Variants in SNX29 observed in about 807,000 individuals in gnomAD.
SNX29 encodes the protein sorting nexin-29.
A neutral mutation model predicts 102.1 loss-of-function variants in SNX29; 78 were observed. The observed-to-expected ratio is 0.76, with a 90% CI of 0.64 to 0.92. The LOEUF (loss-of-function observed/expected upper bound fraction) is 0.92. Ranked by LOEUF, SNX29 falls within the 40% of genes least tolerant of loss-of-function variation. The pLI is 0.00. For missense variants in SNX29, 1,280 were observed against 1,061.7 expected, an observed-to-expected ratio of 1.21 and a Z score of -2.86; for synonymous variants, 580 against 414.5, an observed-to-expected ratio of 1.40 and a Z score of -4.85.
At chr16:12,233,575 C>T (rs1424977771) in intron 14 of SNX29, among the ~76,000 whole-genome samples, 2 of 152,082 alleles carry the variant, frequency 1.3e-5, no homozygotes, top group Non-Finnish European at 2.9e-5. Flanking sequence ...ACTTGTACCC[C>T]CGAATCTGAA....
chr16:12,563,190 C>T (rs1428696188), intron 20 of SNX29, among the ~76,000 whole-genome samples: 2 of 95,500 alleles, frequency 2.1e-5, no homozygotes, highest in Non-Finnish European at 4.2e-5. Flanking sequence ...TCACTTCCCA[C>T]AGTCAACATG....
At chr16:12,330,456 G>A (rs17817646) in intron 15 of SNX29, among the ~76,000 whole-genome samples, 2,974 of 152,246 alleles carry the variant, frequency 0.02, 36 homozygotes, top group Non-Finnish European at 0.03. Context: ...TGGGCTTGAC[G>A]GTCATAAGTA....
chr16:12,420,072 G>C (rs1373288767), intron 18 of SNX29, among the ~76,000 whole-genome samples: 1 of 152,160 alleles, frequency 6.6e-6, no homozygotes, highest in African/African-American at 2.4e-5. Context: ...GGTAATTCTG[G>C]GTTACAAGGG....
At chr16:12,241,006 C>CT (rs1420132444) in intron 14 of SNX29, among the ~76,000 whole-genome samples, 3 of 152,072 alleles carry the variant, frequency 2.0e-5, no homozygotes, top group Non-Finnish European at 1.5e-5. Context: ...AATCCGGTGA[C>CT]TTTTTTTGTG....
At chr16:12,373,054 G>T (rs1166687191) in intron 16 of SNX29, 1 of 152,218 alleles carries the variant, frequency 6.6e-6, no homozygotes, top group Non-Finnish European at 1.5e-5. Flanking sequence ...AAGTCTCCAT[G>T]TCCCCATGAT....
intron 14 of SNX29, among the ~76,000 whole-genome samples, chr16:12,237,162 C>A (rs1701116): frequency 2.0e-5 from 3 of 152,046 alleles, no homozygotes; most frequent in Non-Finnish European, 4.4e-5. Context: ...GCAGGTGGGA[C>A]GTAGGACAGG....
chr16:12,253,044 C>A (rs896475021), intron 14 of SNX29, among the ~76,000 whole-genome samples: 18 of 152,102 alleles, frequency 1.2e-4, no homozygotes, highest in African/African-American at 4.3e-4. Context: ...GTATTTAGGT[C>A]TTTGGGTCAT....
At chr16:12,019,102 G>A (rs559974658) in intron 3 of SNX29, among the ~76,000 whole-genome samples, 40 of 152,226 alleles carry the variant, frequency 2.6e-4, no homozygotes, top group African/African-American at 9.4e-4. Context: ...TGTAGTTCAA[G>A]GCAATAATAT....
intron 15 of SNX29, among the ~76,000 whole-genome samples, chr16:12,322,941 C>T (rs113545564): frequency 0.027 from 2,711 of 98,764 alleles, 103 homozygotes; most frequent in East Asian, 0.095. Flanking sequence ...TGTCAGGATG[C>T]GGTCACTGGA....
At chr16:12,425,245 G>C (rs1406252538) in intron 18 of SNX29, among the ~76,000 whole-genome samples, 1 of 152,216 alleles carries the variant, frequency 6.6e-6, no homozygotes, top group Non-Finnish European at 1.5e-5. Context: ...GGGGTCAGGA[G>C]AGAGCAGAAA....
chr16:12,404,522 T>G (rs551445312), intron 18 of SNX29, among the ~76,000 whole-genome samples: 2 of 152,184 alleles, frequency 1.3e-5, no homozygotes, highest in South Asian at 2.1e-4. Context: ...TCCTGTCTGC[T>G]TGTGCTAAAA....
chr16:12,560,904 A>T (rs1457748113), intron 20 of SNX29: 2 of 195,328 alleles, frequency 1.0e-5, no homozygotes, highest in East Asian at 8.0e-5. Flanking sequence ...GGCTTTTTTA[A>T]TCCTTTTAAA....
rs898837768 is a variant in SNX29, at chr16:12,173,397, A to G, written c.1596-26204A>G. Among the ~76,000 whole-genome samples the G allele has an allele frequency of 3.9e-5, 6 of 152,326 alleles. 1 individual carries two copies. In the South Asian group the frequency reaches 1.0e-3, roughly 26 times the overall value. ...TCAGCTTTCACAAGCAGGCACAGATACTGTATGCTCTAATGGCATGCCTGT... is the reference window on the plus strand; with the variant it reads ...TCAGCTTTCACAAGCAGGCACAGATGCTGTATGCTCTAATGGCATGCCTGT... On this transcript the variant is annotated intron_variant, in intron 13 of 20. Coordinates refer to ENST00000566228, the MANE Select transcript of SNX29 (RefSeq NM_032167.5).
chr16:12,124,937 C>T (rs916929524), intron 11 of SNX29, among the ~76,000 whole-genome samples: 2 of 152,166 alleles, frequency 1.3e-5, no homozygotes, highest in Non-Finnish European at 2.9e-5. Context: ...GAGCGCTGCT[C>T]TGTTTCACTC....
At position 12,572,254 on chromosome 16, in the gene SNX29, C is replaced by G. The variant is rs947828020; in HGVS notation, c.*3625C>G. On this transcript the variant is annotated 3_prime_UTR_variant, in exon 21 of 21. Transcript: ENST00000566228. ...GTCGTTTACACCAGGTGGATTGATA[C>G]CATGGCTGTAGCTGATGCAACTAAC... 1.6e-5 allele frequency: 17 copies of G among 1,053,728 alleles called. No homozygotes were observed. The East Asian group carries it at 7.6e-4, about 47-fold the overall frequency. 65.3% of individuals were successfully genotyped at this position (1,053,728 alleles called of 1,614,324 possible). A position where few individuals can be genotyped will look rare whatever the true frequency, so the allele number is the denominator to read the frequency against.
chr16:12,505,261 A>G (rs772677580), intron 19 of SNX29, among the ~76,000 whole-genome samples: 6 of 152,344 alleles, frequency 3.9e-5, no homozygotes, highest in Non-Finnish European at 8.8e-5. Flanking sequence ...GAATATCACA[A>G]ACTGGGTGGT....
At chr16:12,451,304 G>A (rs1454427883) in intron 18 of SNX29, among the ~76,000 whole-genome samples, 2 of 152,174 alleles carry the variant, frequency 1.3e-5, no homozygotes, top group African/African-American at 4.8e-5. Context: ...TTCCCCACCA[G>A]CTCCACCAAG....
At chr16:12,004,123 C>T (rs1334754235) in intron 3 of SNX29, among the ~76,000 whole-genome samples, 2 of 148,338 alleles carry the variant, frequency 1.3e-5, no homozygotes, top group East Asian at 2.0e-4. Context: ...GGGTGGATCA[C>T]GAGGTCAGGA....
At chr16:12,557,522 CAACT>C (rs2078445189) in intron 20 of SNX29, 1 of 151,990 alleles carries the variant, frequency 6.6e-6, no homozygotes, top group Admixed American at 6.6e-5. Context: ...CCACCTCTCC[CAACT>C]AATTTTTGCA....
Sources: allele counts gnomAD v4.1 joint callset (sites outside exome capture counted in the v4.1 genomes callset), GRCh38; gene constraint gnomAD v4.1.1; transcripts MANE v1.5; gene names NCBI Gene and HGNC (gene_info 2026-07-23, HGNC 2026-07-21).